YLPM1: variants seen among roughly 807,000 people sequenced by gnomAD.
YLPM1 encodes YLP motif-containing protein 1.
A neutral mutation model predicts 230.0 loss-of-function variants in YLPM1; 99 were observed. The observed-to-expected ratio is 0.43, with a 90% confidence interval of 0.37 to 0.51. The LOEUF is 0.51. Ranked by LOEUF, YLPM1 falls within the 20% of genes least tolerant of loss-of-function variation. The pLI is 0.00. For missense variants in YLPM1, 2,592 were observed against 2,707.7 expected (o/e 0.96, Z 0.95); for synonymous variants, 984 against 942.5 (o/e 1.04, Z -0.81).
intron 17 of YLPM1, 33 bp downstream of exon 17, chr14:74,821,170 C>G: frequency 6.6e-7 from 1 of 1,518,998 alleles, no homozygotes; most frequent in South Asian, 1.3e-5. Flanking sequence ...TGAACAGTGT[C>G]TCTTTATTAA....
rs185144712 is a variant in YLPM1, at chr14:74,830,855, C to T, written c.6294+1512C>T. Among the ~76,000 whole-genome samples the T allele has an allele frequency of 1.6e-4, 25 of 152,280 alleles. No individual in the cohort carries two copies. The East Asian group carries it at 3.3e-3, about 20-fold the overall frequency. ...CGTCAGGAGGGCACCAAGACATTCA[C>T]GAGGATCCTCCTCCATGACCCAAAC... On this transcript the variant is annotated intron_variant, in intron 19 of 20. Transcript: ENST00000325680.
In YLPM1 at chr14:74,811,671, T is replaced by G; in HGVS notation, c.5280T>G (p.Gly1760=). The G allele has an allele frequency of 6.2e-7, 1 of 1,612,174 alleles. No homozygotes were observed. The highest frequency in any genetic ancestry group is 8.5e-7 in the Non-Finnish European group (1 of 1,179,384). ...ACCATTCCTCATCCAGAAGAGGGGG[T>G]TTTGATAGGCCATCCTATGACCGGA... ...KKDHSSSRRG[G]FDRPSYDRKS... Residue 1760 remains glycine (G), a synonymous_variant, in exon 10 of 21, where the codon GGT becomes GGG. Coordinates refer to ENST00000325680, the MANE Select transcript of YLPM1 (RefSeq NM_019589.3).
At chr14:74,816,427 T>G in intron 12 of YLPM1, 144 bp from the exon 13 acceptor site, 1 of 1,253,666 alleles carries the variant, frequency 8.0e-7, no homozygotes, top group Non-Finnish European at 1.1e-6. Context: ...TATATTTTTA[T>G]CTACTCAGAG....
chr14:74,836,694 A>G lies in YLPM1; in HGVS notation c.*956A>G, dbSNP rs2091645983. 1 of 152,578 alleles carries G rather than the reference A, an allele frequency of 6.6e-6. No homozygotes were observed. The highest frequency in any genetic ancestry group is 1.5e-5 in the Non-Finnish European group (1 of 68,012). 9.5% of individuals were successfully genotyped at this position (152,578 alleles called of 1,614,324 possible). On this transcript the variant is annotated 3_prime_UTR_variant, in exon 21 of 21. Coordinates refer to ENST00000325680, the MANE Select transcript of YLPM1 (RefSeq NM_019589.3). ...AATGAAGATTGCAGGGAAAGAGTATAAAGATGCAGAGCACTCTGGCATGTA... is the reference window on the plus strand; with the variant it reads ...AATGAAGATTGCAGGGAAAGAGTATGAAGATGCAGAGCACTCTGGCATGTA...
chr14:74,779,892 C>T (rs1281475955), intron 2 of YLPM1, among the ~76,000 whole-genome samples: 1 of 151,832 alleles, frequency 6.6e-6, no homozygotes, highest in Non-Finnish European at 1.5e-5. Flanking sequence ...CAACCTCTGC[C>T]TCCAAGGTTC....
intron 11 of YLPM1, among the ~76,000 whole-genome samples, chr14:74,815,225 ATCT>A (rs1194919745): frequency 6.6e-6 from 1 of 152,088 alleles, no homozygotes; most frequent in Non-Finnish European, 1.5e-5. Flanking sequence ...GGTAATTTGA[ATCT>A]TCTTTTTTTT....
intron 2 of YLPM1, among the ~76,000 whole-genome samples, chr14:74,779,611 A>C (rs2091073585): frequency 6.6e-6 from 1 of 151,364 alleles, no homozygotes; most frequent in African/African-American, 2.4e-5. Flanking sequence ...GATTTTTCAT[A>C]GAGTGAAAAG....
chr14:74,799,295 C>T lies in YLPM1; in HGVS notation c.3998C>T (p.Pro1333Leu). 1.2e-6 allele frequency: 2 copies of T among 1,613,962 alleles called. No homozygotes were observed. Among genetic ancestry groups the T allele is most frequent in the Non-Finnish European group, 1.7e-6 (2 of 1,179,874 alleles). ...GAACGGGATATTCCATCTCTTCCACCTTTACCGCCCCTCCCACCTCTTCCA... is the reference window on the plus strand; with the variant it reads ...GAACGGGATATTCCATCTCTTCCACTTTTACCGCCCCTCCCACCTCTTCCA... Reference protein sequence around the residue: ...FRERDIPSLPPLPPLPPLPPL... With the variant: ...FRERDIPSLPLLPPLPPLPPL... The change falls in exon 5 of 21, where the codon CCT becomes CTT. Residue 1333 changes from proline to leucine, a missense_variant. By Grantham distance (98) the Pro-to-Leu change is moderately conservative. This residue lies in a region of YLPM1 where 1,862 missense variants were observed against 1,819.8 expected (regional missense o/e 1.02). Transcript: ENST00000325680.
chr14:74,831,586 G>A (rs566542776), intron 19 of YLPM1, among the ~76,000 whole-genome samples: 12 of 152,320 alleles, frequency 7.9e-5, no homozygotes, highest in African/African-American at 2.4e-4. Context: ...TTATTAGGTT[G>A]GGTGACCAAA....
rs1268453715 is a variant in YLPM1, at chr14:74,809,617, G to T, written c.4759G>T (p.Asp1587Tyr). 2.5e-6 allele frequency: 4 copies of T among 1,613,950 alleles called. No individual in the cohort carries two copies. The highest frequency in any genetic ancestry group is 1.7e-5 in the Admixed American group (1 of 60,002). Reference sequence around the variant, plus strand: ...TTTCTATGGGCTCTGGGATACAAATGATGAACAAGGACTGAATTCAGAATT... The same window carrying T: ...TTTCTATGGGCTCTGGGATACAAATTATGAACAAGGACTGAATTCAGAATT... ...DSFYGLWDTN[D>Y]EQGLNSEFKS... is the part of the protein sequence containing the mutation. The change falls in exon 7 of 21, where the codon GAT becomes TAT. Residue 1587 changes from aspartate (D) to tyrosine (Y), a missense_variant. Physicochemically the swap from Asp to Tyr is radical, Grantham distance 160. Transcript: ENST00000325680.
chr14:74,763,439 G>C lies in YLPM1; in HGVS notation c.-51G>C. ...GTCGCCGCCGCGGCTCCTGGAGGTC[G>C]GTTGCGACGAGTAACGGCGCCAGGA... On this transcript the variant is annotated 5_prime_UTR_variant, in exon 1 of 21. Transcript: ENST00000325680. 5.9e-6 allele frequency: 8 copies of C among 1,364,744 alleles called. No homozygotes were observed. Among genetic ancestry groups the C allele is most frequent in the Non-Finnish European group, 6.7e-6 (7 of 1,050,476 alleles). 84.5% of individuals were successfully genotyped at this position (1,364,744 alleles called of 1,614,324 possible). A position where few individuals can be genotyped will look rare whatever the true frequency, so the allele number is the denominator to read the frequency against.
At chr14:74,833,428 T>C (rs766623996) in intron 19 of YLPM1, among the ~76,000 whole-genome samples, 3 of 152,086 alleles carry the variant, frequency 2.0e-5, no homozygotes, top group African/African-American at 7.2e-5. Flanking sequence ...AATTTTTGTA[T>C]TTTTAGTAGA....
chr14:74,829,160 G>A lies in YLPM1; in HGVS notation c.6164-53G>A, dbSNP rs1004521167. On this transcript the variant is annotated intron_variant, in intron 18 of 20. Transcript: ENST00000325680. ...CCTTCTTTTCCCCTGTGTGTGTGTCGTGTGCAAACTCACACTCTTCCTTAA... is the reference window on the plus strand; with the variant it reads ...CCTTCTTTTCCCCTGTGTGTGTGTCATGTGCAAACTCACACTCTTCCTTAA... The A allele has an allele frequency of 4.0e-5, 64 of 1,603,144 alleles. No homozygotes were observed. The Admixed American group carries it at 5.7e-4, about 14-fold the overall frequency.
At chr14:74,773,742 A>C (rs2091003226) in intron 1 of YLPM1, among the ~76,000 whole-genome samples, 1 of 81,058 alleles carries the variant, frequency 1.2e-5, no homozygotes, top group African/African-American at 5.4e-5. Flanking sequence ...TTTTTTTGAG[A>C]CAGAGTCTTT....
intron 12 of YLPM1, 145 bp from the exon 13 acceptor site, chr14:74,816,426 A>C (rs924491834): frequency 1.6e-6 from 2 of 1,246,696 alleles, no homozygotes; most frequent in African/African-American, 3.1e-5. Context: ...ATATATTTTT[A>C]TCTACTCAGA....
chr14:74,804,575 A>G (rs1245618545), intron 6 of YLPM1, among the ~76,000 whole-genome samples: 3 of 152,210 alleles, frequency 2.0e-5, no homozygotes, highest in Non-Finnish European at 4.4e-5. Context: ...CCCCTCCTGC[A>G]ACTGGCTAAT....
chr14:74,763,609 G>A lies in YLPM1; in HGVS notation c.120G>A (p.Thr40=). The A allele has an allele frequency of 1.9e-6, 3 of 1,590,598 alleles. No individual in the cohort carries two copies. Among genetic ancestry groups the A allele is most frequent in the Non-Finnish European group, 1.7e-6 (2 of 1,167,756 alleles). The part of the protein sequence containing the change: ...ASPGPGYSSS[T]TPAAPSSSGF... ...CGGGGCCCGGGTACTCGAGCTCGAC[G>A]ACTCCCGCGGCCCCCTCCTCCTCGG... is the stretch of plus-strand genomic sequence containing the variant. The change falls in exon 1 of 21, where the codon ACG becomes ACA. Residue 40 remains threonine (T), a synonymous_variant. Transcript: ENST00000325680.
chr14:74,832,469 G>A (rs201015343), intron 19 of YLPM1, among the ~76,000 whole-genome samples: 1 of 147,872 alleles, frequency 6.8e-6, no homozygotes, highest in African/African-American at 2.5e-5. Flanking sequence ...TTTGTTTTTT[G>A]TTTTTTTGTT....
chr14:74,782,514 C>T (rs1430819025), intron 4 of YLPM1, among the ~76,000 whole-genome samples, 189 bp downstream of exon 4: 1 of 152,108 alleles, frequency 6.6e-6, no homozygotes, highest in Non-Finnish European at 1.5e-5. Context: ...TCTTTGATGT[C>T]TCTGCTTTTG....
Sources: gnomAD v4.1 joint callset for allele counts (sites outside exome capture counted in the v4.1 genomes callset) on GRCh38, gnomAD v4.1.1 for gene constraint, gnomAD v4.1.1 regional missense constraint, MANE v1.5 for transcripts, NCBI Gene and HGNC (gene_info 2026-07-23, HGNC 2026-07-21) for gene names.